The following DPP10 variants were observed in gnomAD, a reference collection of about 807,000 sequenced individuals.
The protein encoded by DPP10 is inactive dipeptidyl peptidase 10.
In DPP10, 33 loss-of-function variants were observed where a neutral mutation model predicts 120.9. The ratio of observed to expected loss-of-function variants is 0.27; its 90% CI spans 0.21 to 0.37. The LOEUF is 0.37. Ranked by LOEUF, DPP10 falls within the 10% of genes least tolerant of loss-of-function variation. The pLI is 1.00. For synonymous variants in DPP10, 337 were observed against 326.1 expected, an observed-to-expected ratio of 1.03 and a Z score of -0.36; for missense variants, 816 against 942.8, an observed-to-expected ratio of 0.87 and a Z score of 1.76.
At chr2:114,498,047 GACC>G (rs1406540674) in intron 1 of DPP10, among the ~76,000 whole-genome samples, 1 of 152,098 alleles carries the variant, frequency 6.6e-6, no homozygotes, top group African/African-American at 2.4e-5. Flanking sequence ...TATTTTGATT[GACC>G]AGTCATAATT....
chr2:114,512,365 A>T lies in DPP10; in HGVS notation c.60+69527A>T, dbSNP rs954910397. Among the ~76,000 whole-genome samples, 5 of 152,162 alleles carry T rather than the reference A, an allele frequency of 3.3e-5. No homozygotes were observed. In the East Asian group the frequency reaches 5.8e-4, roughly 18 times the overall value. ...CATCCCTTCCTGCTCATCTCTACAC[A>T]TACTTTAGGACTTATTGATTTCATG... On this transcript the variant is annotated intron_variant, in intron 1 of 25. Coordinates refer to ENST00000410059, the MANE Select transcript of DPP10 (RefSeq NM_020868.6).
At chr2:115,643,697 T>C (rs1385958841) in intron 5 of DPP10, among the ~76,000 whole-genome samples, 1 of 152,204 alleles carries the variant, frequency 6.6e-6, no homozygotes, top group African/African-American at 2.4e-5. Context: ...ATCATACTTT[T>C]AGAAAGCTGA....
At chr2:114,947,562 A>G (rs542128675) in intron 1 of DPP10, among the ~76,000 whole-genome samples, 1 of 152,122 alleles carries the variant, frequency 6.6e-6, no homozygotes, top group East Asian at 1.9e-4. Flanking sequence ...TTCCAAAACA[A>G]GATTTGTTGA....
At chr2:114,526,091 A>G (rs1685476156) in intron 1 of DPP10, among the ~76,000 whole-genome samples, 1 of 152,208 alleles carries the variant, frequency 6.6e-6, no homozygotes, top group South Asian at 2.1e-4. Flanking sequence ...TGCCAAAGAG[A>G]AATGCTCTTT....
intron 19 of DPP10, among the ~76,000 whole-genome samples, chr2:115,797,992 AAC>A (rs1297422655): frequency 6.6e-6 from 1 of 151,776 alleles, no homozygotes; most frequent in Non-Finnish European, 1.5e-5. Flanking sequence ...CACACACAGA[AAC>A]ACACATGCCA....
intron 1 of DPP10, among the ~76,000 whole-genome samples, chr2:114,841,309 C>T (rs1166680740): frequency 6.6e-6 from 1 of 152,108 alleles, no homozygotes; most frequent in Non-Finnish European, 1.5e-5. Context: ...CAAGGTGAAT[C>T]ATTGACTGCA....
intron 1 of DPP10, among the ~76,000 whole-genome samples, chr2:114,728,683 AC>A (rs1165828059): frequency 6.6e-6 from 1 of 152,202 alleles, no homozygotes; most frequent in Non-Finnish European, 1.5e-5. Flanking sequence ...GGGTAAAATT[AC>A]AGAATTTGAT....
intron 1 of DPP10, among the ~76,000 whole-genome samples, chr2:115,245,769 G>A (rs954184670): frequency 5.3e-5 from 8 of 152,092 alleles, no homozygotes; most frequent in Non-Finnish European, 1.0e-4. Context: ...TTGTTGCTGA[G>A]TTTTACATGA....
At chr2:115,396,777 G>A (rs1387167359) in intron 3 of DPP10, among the ~76,000 whole-genome samples, 5 of 152,054 alleles carry the variant, frequency 3.3e-5, no homozygotes, top group South Asian at 4.2e-4. Context: ...GGTCAGAGCC[G>A]TATCAGTTTT....
intron 11 of DPP10, among the ~76,000 whole-genome samples, chr2:115,756,292 G>T (rs1465130094): frequency 1.3e-5 from 2 of 152,018 alleles, no homozygotes; most frequent in Non-Finnish European, 2.9e-5. Flanking sequence ...GGTTAATAAT[G>T]ATTTAGTGTT....
chr2:114,533,189 G>A (rs1377821854), intron 1 of DPP10, among the ~76,000 whole-genome samples: 4 of 152,128 alleles, frequency 2.6e-5, no homozygotes, highest in African/African-American at 4.8e-5. Flanking sequence ...CTCTTGGGGT[G>A]CATTGGTCCA....
intron 5 of DPP10, among the ~76,000 whole-genome samples, chr2:115,600,265 T>A (rs1469686434): frequency 6.6e-6 from 1 of 152,140 alleles, no homozygotes; most frequent in Non-Finnish European, 1.5e-5. Flanking sequence ...ATCCAGCATT[T>A]AGTTATTTGT....
chr2:115,540,419 T>C (rs1575131925), intron 5 of DPP10, among the ~76,000 whole-genome samples: 1 of 151,960 alleles, frequency 6.6e-6, no homozygotes, highest in African/African-American at 2.4e-5. Context: ...CATTTGTTTG[T>C]TTCTTTAATA....
At position 115,183,040 on chromosome 2, in the gene DPP10, T is replaced by G. The variant is rs573263392; in HGVS notation, c.61-126199T>G. Among the ~76,000 whole-genome samples, 14 of 152,118 alleles carry G rather than the reference T, an allele frequency of 9.2e-5. No homozygotes were observed. The South Asian group carries it at 2.7e-3, about 29-fold the overall frequency. On this transcript the variant is annotated intron_variant, in intron 1 of 25. Transcript: ENST00000410059. ...ACACACACACACACACGTACGTGCA[T>G]GCGCACACATGCACACAGAGGCACG...
At chr2:115,376,285 T>G (rs955575659) in intron 3 of DPP10, among the ~76,000 whole-genome samples, 1 of 152,212 alleles carries the variant, frequency 6.6e-6, no homozygotes, top group African/African-American at 2.4e-5. Context: ...TTCAAAATTA[T>G]AAATATAATG....
chr2:114,787,272 G>C (rs972089923), intron 1 of DPP10, among the ~76,000 whole-genome samples: 2 of 152,124 alleles, frequency 1.3e-5, no homozygotes, highest in East Asian at 3.9e-4. Context: ...CAAAACCATG[G>C]GGGCAGGAAT....
At chr2:114,915,044 T>C (rs1412510088) in intron 1 of DPP10, among the ~76,000 whole-genome samples, 2 of 151,578 alleles carry the variant, frequency 1.3e-5, no homozygotes. Context: ...GGCAGGAGAA[T>C]GGCGTGAACC....
At chr2:115,680,969 A>T (rs538942241) in intron 5 of DPP10, among the ~76,000 whole-genome samples, 37 of 152,020 alleles carry the variant, frequency 2.4e-4, no homozygotes, top group African/African-American at 8.2e-4. Flanking sequence ...CTCAATCATA[A>T]ACTACAGGTC....
At chr2:115,185,472 A>G (rs1213703843) in intron 1 of DPP10, among the ~76,000 whole-genome samples, 2 of 152,232 alleles carry the variant, frequency 1.3e-5, no homozygotes, top group African/African-American at 2.4e-5. Flanking sequence ...GAACTGAAAG[A>G]TAACTCATGG....
Sources: allele counts gnomAD v4.1 joint callset (sites outside exome capture counted in the v4.1 genomes callset), GRCh38; gene constraint gnomAD v4.1.1; transcripts MANE v1.5; gene names NCBI Gene and HGNC (gene_info 2026-07-23, HGNC 2026-07-21).